The following STMN1 variants were observed in gnomAD, a reference collection of about 807,000 sequenced individuals.
STMN1 encodes the protein stathmin.
A neutral mutation model predicts 19.7 loss-of-function variants in STMN1; 3 were observed. The ratio of observed to expected loss-of-function variants is 0.15; its 90% CI spans 0.07 to 0.39. The LOEUF is 0.39. STMN1 is among the 10% of genes least tolerant of loss of function. The pLI, the probability that STMN1 is intolerant of heterozygous loss-of-function variation, is 1.00. For missense variants in STMN1, 99 were observed against 176.0 expected, an observed-to-expected ratio of 0.56 and a Z score of 2.48; for synonymous variants, 59 against 58.9, an observed-to-expected ratio of 1.00 and a Z score of -0.01.
At chr1:25,905,990 C>T (rs2048940159) in intron 1 of STMN1, 1 of 152,060 alleles carries the variant, frequency 6.6e-6, no homozygotes, top group African/African-American at 2.4e-5. Flanking sequence ...TGGCTGCCCG[C>T]AGTTTGGTCC....
rs542426237 is a variant in STMN1, at chr1:25,904,607, C to A, written c.13+57G>T. 29 of 1,537,170 alleles carry A rather than the reference C, an allele frequency of 1.9e-5. No individual in the cohort carries two copies. In the East Asian group the frequency reaches 6.1e-4, roughly 32 times the overall value. On this transcript the variant is annotated intron_variant, in intron 2 of 4. Coordinates refer to ENST00000455785, the MANE Select transcript of STMN1 (RefSeq NM_005563.4). Reference sequence around the variant, plus strand: ...AATCAAAGGCGAAGACCTGAGCCATCTCAATCTAAAATCATAAGCCCATTA... The same window carrying A: ...AATCAAAGGCGAAGACCTGAGCCATATCAATCTAAAATCATAAGCCCATTA...
chr1:25,903,328 T>C (rs2048896743), intron 3 of STMN1: 1 of 262,266 alleles, frequency 3.8e-6, no homozygotes, highest in Non-Finnish European at 7.3e-6. Flanking sequence ...TGGTTTAAGA[T>C]AGACCAGGGC....
chr1:25,893,109 T>G (rs554773313), intron 4 of STMN1, among the ~76,000 whole-genome samples: 1 of 152,300 alleles, frequency 6.6e-6, no homozygotes, highest in South Asian at 2.1e-4. Flanking sequence ...ACATTTATAT[T>G]ATCTATATTT....
rs531467423 is a variant in STMN1, at chr1:25,893,675, G to A, written c.379-7806C>T. ...CTTGCCTCAGCCTCCCAAGCAGCTG[G>A]GATTACAGGCACCCGCCATCACGCC... is the stretch of plus-strand genomic sequence containing the variant. On this transcript the variant is annotated intron_variant, in intron 4 of 4. Transcript: ENST00000426559. Among the ~76,000 whole-genome samples the A allele has an allele frequency of 9.2e-5, 14 of 152,260 alleles. No homozygotes were observed. In the East Asian group the frequency reaches 2.5e-3, roughly 27 times the overall value.
chr1:25,901,003 T>C lies in STMN1; in HGVS notation c.*13A>G, dbSNP rs1025405285. The C allele has an allele frequency of 6.2e-7, 1 of 1,613,362 alleles. No homozygotes were observed. The highest frequency in any genetic ancestry group is 1.3e-5 in the African/African-American group (1 of 74,906). On this transcript the variant is annotated 3_prime_UTR_variant, in exon 5 of 5. Transcript: ENST00000455785. ...AGGAAGGGGATGGGGAGAAAGTCAGTTCTCAGAACAAATTAGTCAGCTTCA... is the reference window on the plus strand; with the variant it reads ...AGGAAGGGGATGGGGAGAAAGTCAGCTCTCAGAACAAATTAGTCAGCTTCA...
Position 25,903,385 on chromosome 1 carries a change from C to T in STMN1, c.186+256G>A, listed in dbSNP as rs778828046. The T allele has an allele frequency of 1.9e-4, 73 of 387,384 alleles. No homozygotes were observed. The East Asian group carries it at 4.3e-3, about 23-fold the overall frequency. 24.0% of individuals were successfully genotyped at this position (387,384 alleles called of 1,614,324 possible). The stretch of plus-strand genomic sequence containing the variant: ...TACTAGTTGTATGACTGCAGAAAAA[C>T]GACTTAACATTCCTGAAACTGTTTC... On this transcript the variant is annotated intron_variant, in intron 3 of 4. Coordinates refer to ENST00000455785, the MANE Select transcript of STMN1 (RefSeq NM_005563.4).
chr1:25,886,745 C>T (rs547498307), intron 4 of STMN1, among the ~76,000 whole-genome samples: 22 of 152,154 alleles, frequency 1.4e-4, no homozygotes, highest in African/African-American at 5.3e-4. Flanking sequence ...CCTGCCACCA[C>T]ACCTAGCTAA....
chr1:25,891,853 T>C (rs1203671421), intron 4 of STMN1, among the ~76,000 whole-genome samples: 1 of 151,974 alleles, frequency 6.6e-6, no homozygotes, highest in Non-Finnish European at 1.5e-5. Context: ...GGGAGACCCA[T>C]GAAGCTGGCA....
chr1:25,891,841 T>TG (rs538470770), intron 4 of STMN1, among the ~76,000 whole-genome samples: 2 of 152,200 alleles, frequency 1.3e-5, no homozygotes, highest in South Asian at 4.1e-4. Context: ...AATGGCAGGC[T>TG]GGGGAGACCC....
chr1:25,901,225 C>T, intron 4 of STMN1, 138 bp from the exon 5 acceptor site: 1 of 1,442,414 alleles, frequency 6.9e-7, no homozygotes, highest in South Asian at 1.4e-5. Context: ...GGGAACCACA[C>T]AATTTAAGTT....
At chr1:25,901,421 A>G (rs2048872718) in intron 4 of STMN1, 70 bp downstream of exon 4, 1 of 1,506,966 alleles carries the variant, frequency 6.6e-7, no homozygotes, top group East Asian at 2.3e-5. Flanking sequence ...TTATCAAAGC[A>G]CTTAGTTCAA....
At chr1:25,885,326 G>T, downstream of STMN1, 1 of 156,650 alleles carries the variant, frequency 6.4e-6, no homozygotes, top group Non-Finnish European at 1.4e-5. Flanking sequence ...CACCTGCCCT[G>T]GGAGGAAACT....
At chr1:25,895,275 T>C (rs2048809702), downstream of STMN1, among the ~76,000 whole-genome samples, 1 of 151,820 alleles carries the variant, frequency 6.6e-6, no homozygotes. Context: ...GCTAATCTTG[T>C]TTTTGTATTT....
intron 3 of STMN1, chr1:25,903,221 T>G (rs2124254051): frequency 6.3e-6 from 1 of 158,422 alleles, no homozygotes; most frequent in East Asian, 1.9e-4. Context: ...CAATTTAAAA[T>G]GTTATTGTAC....
intron 4 of STMN1, among the ~76,000 whole-genome samples, chr1:25,889,582 C>T (rs1284184984): frequency 1.3e-5 from 2 of 152,134 alleles, no homozygotes; most frequent in Non-Finnish European, 2.9e-5. Flanking sequence ...TGACCTAGAT[C>T]CTGAATCTAA....
chr1:25,899,569 A>G (rs2048849699), downstream of STMN1, among the ~76,000 whole-genome samples: 1 of 152,230 alleles, frequency 6.6e-6, no homozygotes, highest in Non-Finnish European at 1.5e-5. Flanking sequence ...AGTCAATTTA[A>G]GGAATATAAA....
At chr1:25,895,680 A>G (rs1393213087), downstream of STMN1, among the ~76,000 whole-genome samples, 1 of 152,240 alleles carries the variant, frequency 6.6e-6, no homozygotes, top group Non-Finnish European at 1.5e-5. Context: ...TAAGCTTGAA[A>G]TCAGATTTTC....
intron 4 of STMN1, among the ~76,000 whole-genome samples, chr1:25,886,579 CTTT>C (rs34974254): frequency 2.0e-3 from 192 of 94,368 alleles, no homozygotes; most frequent in African/African-American, 6.8e-3. Flanking sequence ...ACCCCCACCA[CTTT>C]TTTTTTTTTT....
chr1:25,887,500 G>T (rs159525), intron 4 of STMN1: 175,653 of 336,046 alleles, frequency 0.52, 49,353 homozygotes, highest in South Asian at 0.72. Flanking sequence ...GCAAATAAGA[G>T]AAATACATAG....
Sources: allele counts gnomAD v4.1 joint callset (sites outside exome capture counted in the v4.1 genomes callset), GRCh38; gene constraint gnomAD v4.1.1; transcripts MANE v1.5; gene names NCBI Gene and HGNC (gene_info 2026-07-23, HGNC 2026-07-21).